The following ATXN1 variants were observed in gnomAD, a reference collection of about 807,000 sequenced individuals.
ATXN1 encodes ataxin 1.
A neutral mutation model predicts 56.4 loss-of-function variants in ATXN1; 8 were observed. The observed-to-expected ratio is 0.14, with a 90% CI of 0.08 to 0.26. The LOEUF is 0.26. Among genes scored for constraint, ATXN1 ranks in the 10% least tolerant of loss-of-function variants. ATXN1 has a pLI of 1.00. For missense variants in ATXN1, 987 were observed against 1,106.5 expected, an observed-to-expected ratio of 0.89 and a Z score of 1.53; for synonymous variants, 514 against 494.6, an observed-to-expected ratio of 1.04 and a Z score of -0.52.
At chr6:16,471,031 C>A (rs933481211) in intron 6 of ATXN1, among the ~76,000 whole-genome samples, 2 of 152,078 alleles carry the variant, frequency 1.3e-5, no homozygotes, top group Non-Finnish European at 2.9e-5. Flanking sequence ...CAGAGAGTGA[C>A]CAGCCACTGA....
chr6:16,678,198 G>C (rs1277534225), intron 2 of ATXN1, among the ~76,000 whole-genome samples: 1 of 152,176 alleles, frequency 6.6e-6, no homozygotes, highest in Non-Finnish European at 1.5e-5. Flanking sequence ...CAATGTTTAA[G>C]TTACTTTTAG....
chr6:16,395,743 C>T (rs754818614), intron 6 of ATXN1, among the ~76,000 whole-genome samples: 31 of 152,058 alleles, frequency 2.0e-4, no homozygotes, highest in Admixed American at 3.3e-4. Flanking sequence ...GTAGGCCGGG[C>T]GCAGTGGCTC....
chr6:16,740,228 GAC>G (rs1460154856), intron 2 of ATXN1, among the ~76,000 whole-genome samples: 1 of 152,172 alleles, frequency 6.6e-6, no homozygotes, highest in Non-Finnish European at 1.5e-5. Context: ...CCAAGAGATG[GAC>G]AGTGTATTTT....
At chr6:16,514,963 C>T (rs1761151382) in intron 5 of ATXN1, among the ~76,000 whole-genome samples, 1 of 151,664 alleles carries the variant, frequency 6.6e-6, no homozygotes, top group Admixed American at 6.6e-5. Flanking sequence ...AGCCTGGCGA[C>T]AGAGCGAGGC....
At chr6:16,523,076 T>C (rs1011411938) in intron 4 of ATXN1, among the ~76,000 whole-genome samples, 1 of 152,078 alleles carries the variant, frequency 6.6e-6, no homozygotes, top group Non-Finnish European at 1.5e-5. Context: ...TTTGAAGTAA[T>C]GTTTCTGTAG....
chr6:16,306,957 TCACA>T lies in ATXN1; in HGVS notation c.1918-102_1918-99del. 4 of 1,353,730 alleles carry T rather than the reference TCACA, an allele frequency of 3.0e-6. No individual in the cohort carries two copies. The highest frequency in any genetic ancestry group is 4.0e-6 in the Non-Finnish European group (4 of 1,008,018). The allele number at this position is 1,353,730 out of a possible 1,614,324, so 83.9% of individuals were successfully genotyped here. On this transcript the variant is annotated intron_variant, in intron 7 of 7. Transcript: ENST00000436367. The surrounding 1 kb of genome is among the most constrained non-coding windows in gnomAD (Gnocchi z 5.2). ...TTTATGCACACACACAGGTATGAACTCACACAGACACACACAGGCTGAATGGGGG... is the reference window on the plus strand; with the variant it reads ...TTTATGCACACACACAGGTATGAACTCAGACACACACAGGCTGAATGGGGG...
intron 2 of ATXN1, chr6:16,739,731 G>A: frequency 2.3e-6 from 1 of 439,688 alleles, no homozygotes; most frequent in Non-Finnish European, 4.7e-6. Flanking sequence ...TCTCAGGGAT[G>A]TCGTCCAAGA....
intron 6 of ATXN1, among the ~76,000 whole-genome samples, chr6:16,376,936 C>T (rs1762151888): frequency 6.6e-6 from 1 of 152,198 alleles, no homozygotes; most frequent in Non-Finnish European, 1.5e-5. Flanking sequence ...AAGGAGTATA[C>T]AAAGATATAA....
intron 6 of ATXN1, among the ~76,000 whole-genome samples, chr6:16,437,359 C>G (rs1458730336): frequency 6.6e-6 from 1 of 152,194 alleles, no homozygotes; most frequent in Non-Finnish European, 1.5e-5. Flanking sequence ...CGGATAAGTT[C>G]CATCCACTGG....
intron 4 of ATXN1, among the ~76,000 whole-genome samples, chr6:16,577,171 C>T (rs1389866463): frequency 6.6e-6 from 1 of 152,136 alleles, no homozygotes; most frequent in East Asian, 1.9e-4. Context: ...CACAAGATAG[C>T]AGTCTTCTGC....
At chr6:16,474,210 C>T (rs1760278608) in intron 6 of ATXN1, among the ~76,000 whole-genome samples, 3 of 152,234 alleles carry the variant, frequency 2.0e-5, no homozygotes, top group Admixed American at 2.0e-4. Context: ...TGGAGTTTCC[C>T]CATCCTTTGA....
intron 3 of ATXN1, among the ~76,000 whole-genome samples, chr6:16,648,433 A>G (rs1320644425): frequency 6.6e-6 from 1 of 152,228 alleles, no homozygotes; most frequent in Admixed American, 6.5e-5. Flanking sequence ...GGCTCTCATG[A>G]AAGTGCAACA....
At chr6:16,730,487 G>GTGTGTATATATATATATATATA (rs141836403) in intron 2 of ATXN1, among the ~76,000 whole-genome samples, 11 of 132,060 alleles carry the variant, frequency 8.3e-5, no homozygotes, top group Non-Finnish European at 1.5e-4. Context: ...AAAACAGTAT[G>GTGTGTATATATATATATATATA]TATATATATA....
intron 3 of ATXN1, among the ~76,000 whole-genome samples, chr6:16,638,481 A>G (rs1023095413): frequency 6.6e-6 from 1 of 150,444 alleles, no homozygotes; most frequent in Non-Finnish European, 1.5e-5. Flanking sequence ...GCACAAAATT[A>G]TCAACATAAA....
chr6:16,357,846 A>C (rs930953897), intron 6 of ATXN1, among the ~76,000 whole-genome samples: 5 of 152,224 alleles, frequency 3.3e-5, no homozygotes, highest in African/African-American at 1.2e-4. Context: ...AATAAGATAC[A>C]CAGAATGGAC....
chr6:16,513,140 T>TTCAGC (rs1392368817), intron 5 of ATXN1, among the ~76,000 whole-genome samples: 2 of 152,234 alleles, frequency 1.3e-5, no homozygotes, highest in Non-Finnish European at 2.9e-5. Context: ...GTATGCATTT[T>TTCAGC]TCAGCTCCTG....
chr6:16,651,776 A>T (rs760291372), intron 3 of ATXN1, among the ~76,000 whole-genome samples: 1 of 152,232 alleles, frequency 6.6e-6, no homozygotes. Context: ...AAGAGACAGA[A>T]ATACTAGTTG....
At chr6:16,679,285 T>TGGAC (rs1485901664) in intron 2 of ATXN1, among the ~76,000 whole-genome samples, 1 of 146,060 alleles carries the variant, frequency 6.8e-6, no homozygotes, top group Non-Finnish European at 1.5e-5. Context: ...GGTGGATGGA[T>TGGAC]GGATGGATGG....
chr6:16,467,599 G>A (rs2113634720), intron 6 of ATXN1, among the ~76,000 whole-genome samples: 1 of 152,258 alleles, frequency 6.6e-6, no homozygotes, highest in African/African-American at 2.4e-5. Context: ...ATTTCACCTT[G>A]AAATCTGTTA....
Sources: gnomAD v4.1 joint callset for allele counts (sites outside exome capture counted in the v4.1 genomes callset) on GRCh38, gnomAD v4.1.1 for gene constraint, Gnocchi (gnomAD v3.1) non-coding constraint, MANE v1.5 for transcripts, NCBI Gene and HGNC (gene_info 2026-07-23, HGNC 2026-07-21) for gene names.